The following RANBP2 variants were observed in gnomAD, a reference collection of about 807,000 sequenced individuals.
RANBP2 encodes the protein E3 SUMO-protein ligase RanBP2.
A neutral mutation model predicts 303.6 loss-of-function variants in RANBP2; 57 were observed. The ratio of observed to expected loss-of-function variants is 0.19; its 90% CI spans 0.15 to 0.23. RANBP2 has a LOEUF of 0.23. RANBP2 is among the 10% of genes least tolerant of loss of function. The pLI, the probability that RANBP2 is intolerant of heterozygous loss-of-function variation, is 1.00. For missense variants in RANBP2, 3,138 were observed against 3,780.8 expected (o/e 0.83, Z 4.46); for synonymous variants, 1,167 against 1,301.5 (o/e 0.90, Z 2.23).
the RANBP2 span, among the ~76,000 whole-genome samples, chr2:109,563,942 A>G: frequency 6.6e-6 from 1 of 152,216 alleles, no homozygotes; most frequent in Non-Finnish European, 1.5e-5. Flanking sequence ...GCAACATAGT[A>G]AGACCCTGTC....
the RANBP2 span, among the ~76,000 whole-genome samples, chr2:109,326,903 T>C: frequency 9.2e-3 from 1,405 of 152,328 alleles, 51 homozygotes; most frequent in Admixed American, 0.069. Flanking sequence ...GGCTCACACC[T>C]GAGCACGCTG....
the RANBP2 span, among the ~76,000 whole-genome samples, chr2:108,938,942 A>G: frequency 0.015 from 2,263 of 151,226 alleles, 29 homozygotes; most frequent in South Asian, 0.03. Context: ...ACCACATCCA[A>G]CTAATTTTTG....
the RANBP2 span, among the ~76,000 whole-genome samples, chr2:109,160,739 G>A: frequency 6.0e-4 from 92 of 152,274 alleles, no homozygotes; most frequent in Middle Eastern, 3.4e-3. Context: ...TCTGGGAGCT[G>A]GTCTGGAAGG....
At chr2:109,710,497 T>C in the RANBP2 span, among the ~76,000 whole-genome samples, 1 of 151,996 alleles carries the variant, frequency 6.6e-6, no homozygotes, top group Non-Finnish European at 1.5e-5. Flanking sequence ...TTGGAGACAC[T>C]CAAAAGTATA....
the RANBP2 span, among the ~76,000 whole-genome samples, chr2:108,859,436 C>A: frequency 6.6e-6 from 1 of 152,072 alleles, no homozygotes; most frequent in Non-Finnish European, 1.5e-5. Context: ...ATTTTTATTG[C>A]ATTTGCTTTT....
the RANBP2 span, among the ~76,000 whole-genome samples, chr2:109,111,790 A>G: frequency 2.9e-5 from 1 of 34,182 alleles, no homozygotes; most frequent in East Asian, 1.1e-3. Context: ...CCCTCCCCCC[A>G]TCCCACCACA....
chr2:109,258,592 T>C, the RANBP2 span, among the ~76,000 whole-genome samples: 1 of 152,162 alleles, frequency 6.6e-6, no homozygotes, highest in African/African-American at 2.4e-5. Context: ...CATCCCGCAA[T>C]TCCCCAGGCC....
the RANBP2 span, among the ~76,000 whole-genome samples, chr2:109,103,768 G>GTTATA: frequency 2.0e-5 from 3 of 152,028 alleles, no homozygotes; most frequent in East Asian, 5.8e-4. Context: ...ATCTAGTTAT[G>GTTATA]TGAATAGAGA....
the RANBP2 span, among the ~76,000 whole-genome samples, chr2:108,847,871 CTTATGG>C: frequency 6.6e-6 from 1 of 152,112 alleles, no homozygotes; most frequent in Admixed American, 6.5e-5. Flanking sequence ...ATTTTGCCTC[CTTATGG>C]TTATGGTTCT....
At chr2:109,374,952 A>G in the RANBP2 span, among the ~76,000 whole-genome samples, 1 of 152,212 alleles carries the variant, frequency 6.6e-6, no homozygotes, top group Non-Finnish European at 1.5e-5. Context: ...TTGTGTCTCC[A>G]CCAGGGCCTG....
chr2:109,133,253 A>G, the RANBP2 span, among the ~76,000 whole-genome samples: 13 of 152,374 alleles, frequency 8.5e-5, no homozygotes, highest in South Asian at 2.5e-3. Context: ...AAAAGTCGGC[A>G]TTACAGCCTA....
the RANBP2 span, chr2:108,930,823 G>T: frequency 1.1e-6 from 1 of 928,048 alleles, no homozygotes; most frequent in Non-Finnish European, 1.8e-6. Flanking sequence ...TTGCAGGCCT[G>T]GTTTCATTTC....
chr2:108,793,892 G>A, the RANBP2 span, among the ~76,000 whole-genome samples: 1 of 151,768 alleles, frequency 6.6e-6, no homozygotes, highest in Non-Finnish European at 1.5e-5. Context: ...GTGAGCCACC[G>A]CGCCCTGCCA....
At chr2:108,830,426 G>T in the RANBP2 span, among the ~76,000 whole-genome samples, 153 of 152,314 alleles carry the variant, frequency 1.0e-3, no homozygotes, top group African/African-American at 3.5e-3. Context: ...TTCCAACAAA[G>T]TGTCAATTAG....
chr2:109,270,968 A>G, the RANBP2 span, among the ~76,000 whole-genome samples: 1 of 152,092 alleles, frequency 6.6e-6, no homozygotes, highest in Non-Finnish European at 1.5e-5. Flanking sequence ...TCTGAATTGC[A>G]ATTTCTTTTA....
chr2:109,280,694 G>A, the RANBP2 span, among the ~76,000 whole-genome samples: 2 of 152,228 alleles, frequency 1.3e-5, no homozygotes, highest in South Asian at 4.1e-4. Context: ...CTGCTTTGTA[G>A]CACCCAGCAG....
At chr2:109,438,130 A>G in the RANBP2 span, among the ~76,000 whole-genome samples, 2 of 152,246 alleles carry the variant, frequency 1.3e-5, no homozygotes, top group South Asian at 2.1e-4. Flanking sequence ...CAGCTTCTCA[A>G]GTGTGGAAAG....
intron 25 of RANBP2, among the ~76,000 whole-genome samples, chr2:108,780,800 C>T (rs1374002504): frequency 6.6e-6 from 1 of 151,906 alleles, no homozygotes; most frequent in Admixed American, 6.6e-5. Context: ...ACCTCCGCCT[C>T]CTGGGTTCAA....
At chr2:109,125,332 C>T in the RANBP2 span, among the ~76,000 whole-genome samples, 3 of 152,212 alleles carry the variant, frequency 2.0e-5, no homozygotes, top group Non-Finnish European at 4.4e-5. Flanking sequence ...TGACTATCAC[C>T]ATGTGGAGCG....
Sources: gnomAD v4.1 joint callset for allele counts (sites outside exome capture counted in the v4.1 genomes callset) on GRCh38, gnomAD v4.1.1 for gene constraint, MANE v1.5 for transcripts, NCBI Gene and HGNC (gene_info 2026-07-23, HGNC 2026-07-21) for gene names.